ZFHX3: variants seen among roughly 807,000 people sequenced by gnomAD.
The protein encoded by ZFHX3 is zinc finger homeobox 3, also known as zinc finger homeobox protein 3.
In ZFHX3, 42 loss-of-function variants were observed where a neutral mutation model predicts 279.1. The ratio of observed to expected loss-of-function variants is 0.15; its 90% CI spans 0.12 to 0.19. The LOEUF (loss-of-function observed/expected upper bound fraction) is 0.19, where lower values mean the gene tolerates loss of function less well. Among genes scored for constraint, ZFHX3 ranks in the 10% least tolerant of loss-of-function variants. The probability of loss-of-function intolerance (pLI) is 1.00; values close to 1 mark genes in which losing one functional copy is unlikely to be tolerated. For missense variants in ZFHX3, 4,981 were observed against 4,754.0 expected, an observed-to-expected ratio of 1.05 and a Z score of -1.40; for synonymous variants, 2,293 against 1,957.8, an observed-to-expected ratio of 1.17 and a Z score of -4.52.
At chr16:73,196,887 G>A (rs1380085115) in intron 5 of ZFHX3, among the ~76,000 whole-genome samples, 1 of 152,160 alleles carries the variant, frequency 6.6e-6, no homozygotes, top group Non-Finnish European at 1.5e-5. Context: ...TGAGCAGGGA[G>A]CCCAGGACTC....
rs72797330 is a variant in ZFHX3, at chr16:73,237,412, A to T, written c.-1104+19635T>A. On this transcript the variant is annotated intron_variant, in intron 5 of 17. Coordinates refer to the ZFHX3 transcript ENST00000641206. ...AGGTGCACACCACTATGCCCAGCTA[A>T]TTTTTTTTAAAAGATGGGGTTTTGC... Among the ~76,000 whole-genome samples the T allele has an allele frequency of 7.8e-3, 1,175 of 151,102 alleles. 6 individuals are homozygous for T. The highest frequency in any genetic ancestry group is 9.8e-3 in the Non-Finnish European group (668 of 67,866).
At chr16:72,916,148 C>T (rs1432785350) in intron 3 of ZFHX3, among the ~76,000 whole-genome samples, 1 of 152,246 alleles carries the variant, frequency 6.6e-6, no homozygotes, top group Non-Finnish European at 1.5e-5. Flanking sequence ...GAGCAAGAGA[C>T]TGACTTCTTC....
chr16:72,865,339 C>A (rs1284142040), intron 4 of ZFHX3, among the ~76,000 whole-genome samples: 1 of 152,228 alleles, frequency 6.6e-6, no homozygotes, highest in African/African-American at 2.4e-5. Flanking sequence ...ACTAGCCCAG[C>A]AGAACCCTCA....
At chr16:72,827,558 G>C (rs1224280349) in intron 5 of ZFHX3, among the ~76,000 whole-genome samples, 1 of 152,108 alleles carries the variant, frequency 6.6e-6, no homozygotes, top group African/African-American at 2.4e-5. Context: ...CTGTGTTTGT[G>C]AAATCCTTTT....
intron 2 of ZFHX3, among the ~76,000 whole-genome samples, chr16:73,547,485 C>T (rs947514041): frequency 7.2e-5 from 11 of 152,160 alleles, no homozygotes; most frequent in African/African-American, 2.7e-4. Flanking sequence ...AGGAAGCCCT[C>T]GTCCCCAAAT....
At chr16:73,286,825 C>T (rs1419175942) in intron 4 of ZFHX3, among the ~76,000 whole-genome samples, 21 of 81,164 alleles carry the variant, frequency 2.6e-4, no homozygotes, top group Non-Finnish European at 4.3e-4. Flanking sequence ...CTGTGTGGGT[C>T]GGTGTGTGGC....
chr16:73,199,463 A>G (rs538270782), intron 5 of ZFHX3, among the ~76,000 whole-genome samples: 1 of 152,358 alleles, frequency 6.6e-6, no homozygotes, highest in South Asian at 2.1e-4. Context: ...GGAATGCATC[A>G]GAACATCTTC....
At chr16:73,310,245 C>A (rs983880786) in intron 4 of ZFHX3, among the ~76,000 whole-genome samples, 1 of 152,064 alleles carries the variant, frequency 6.6e-6, no homozygotes, top group Non-Finnish European at 1.5e-5. Flanking sequence ...ATGGCAAAAC[C>A]ATCTGAGGTG....
intron 4 of ZFHX3, among the ~76,000 whole-genome samples, chr16:72,864,372 C>T (rs1459192040): frequency 6.6e-6 from 1 of 152,080 alleles, no homozygotes; most frequent in Admixed American, 6.5e-5. Context: ...CATTAGAAAA[C>T]ATAGAAGCAC....
At position 73,797,233 on chromosome 16, in the gene ZFHX3, AC is replaced by A. The variant is rs562160737; in HGVS notation, c.-1608+94417del. ...AAACAAACAAACAACAACAACAACAACAAAACAGAAGTAGTGAAGCACTGTT... is the reference window on the plus strand; with the variant it reads ...AAACAAACAAACAACAACAACAACAAAAAACAGAAGTAGTGAAGCACTGTT... On this transcript the variant is annotated intron_variant, in intron 1 of 17. Transcript: ENST00000641206. Among the ~76,000 whole-genome samples the A allele has an allele frequency of 3.8e-3, 580 of 152,184 alleles. 1 individual carries two copies. Among genetic ancestry groups the A allele is most frequent in the African/African-American group, 0.013 (552 of 41,502 alleles).
intron 1 of ZFHX3, among the ~76,000 whole-genome samples, chr16:73,021,875 A>G (rs901919058): frequency 6.6e-6 from 1 of 151,244 alleles, no homozygotes; most frequent in African/African-American, 2.4e-5. Context: ...TACCCTTAGA[A>G]GAGGAGGGAA....
In ZFHX3 at chr16:73,227,248, G is replaced by C. The variant is rs534778212; in HGVS notation, c.-1104+29799C>G. ...TTTGACAATATTCTTTTTAACCTGT[G>C]GTTCTTAATAAGATTTTTGCAGGAT... On this transcript the variant is annotated intron_variant, in intron 5 of 17. Coordinates refer to the ZFHX3 transcript ENST00000641206. Among the ~76,000 whole-genome samples the C allele has an allele frequency of 2.0e-5, 3 of 152,246 alleles. No homozygotes were observed. The South Asian group carries it at 6.2e-4, about 32-fold the overall frequency.
At chr16:73,172,474 T>G (rs909813104) in intron 5 of ZFHX3, among the ~76,000 whole-genome samples, 1 of 152,232 alleles carries the variant, frequency 6.6e-6, no homozygotes, top group Non-Finnish European at 1.5e-5. Flanking sequence ...ATGGGCCAAT[T>G]TGTTTGAATT....
chr16:73,177,507 C>T (rs138125083), intron 5 of ZFHX3, among the ~76,000 whole-genome samples: 6 of 152,272 alleles, frequency 3.9e-5, no homozygotes, highest in African/African-American at 1.4e-4. Context: ...CATTGTGAGC[C>T]GCAAGAACAT....
chr16:73,667,239 C>T (rs1397494112), intron 2 of ZFHX3, among the ~76,000 whole-genome samples: 1 of 152,170 alleles, frequency 6.6e-6, no homozygotes, highest in Non-Finnish European at 1.5e-5. Flanking sequence ...ATCCACCCGC[C>T]TCAGCCTCCC....
At chr16:73,639,277 A>C (rs897223457) in intron 2 of ZFHX3, among the ~76,000 whole-genome samples, 14 of 152,122 alleles carry the variant, frequency 9.2e-5, no homozygotes, top group African/African-American at 3.4e-4. Flanking sequence ...CTGCTCAGAT[A>C]TATTGCACTG....
intron 2 of ZFHX3, among the ~76,000 whole-genome samples, chr16:73,469,880 T>G (rs1050962353): frequency 6.6e-6 from 1 of 152,166 alleles, no homozygotes; most frequent in Non-Finnish European, 1.5e-5. Flanking sequence ...CCTCCCAAAG[T>G]GCTGGGATTA....
chr16:73,542,096 G>A (rs963359104), intron 2 of ZFHX3, among the ~76,000 whole-genome samples: 8 of 151,866 alleles, frequency 5.3e-5, no homozygotes, highest in Admixed American at 2.0e-4. Context: ...AACCGCGCCC[G>A]GCCCTGTTTG....
At chr16:73,785,028 C>T (rs1959601770) in intron 1 of ZFHX3, among the ~76,000 whole-genome samples, 1 of 151,904 alleles carries the variant, frequency 6.6e-6, no homozygotes, top group African/African-American at 2.4e-5. Context: ...CTGATTTTCT[C>T]TTAAAATATT....
Sources: gnomAD v4.1 joint callset for allele counts (sites outside exome capture counted in the v4.1 genomes callset) on GRCh38, gnomAD v4.1.1 for gene constraint, MANE v1.5 for transcripts, NCBI Gene and HGNC (gene_info 2026-07-23, HGNC 2026-07-21) for gene names.